GRID2: variants seen among roughly 807,000 people sequenced by gnomAD.
GRID2 encodes glutamate receptor ionotropic, delta-2.
A neutral mutation model predicts 114.8 loss-of-function variants in GRID2; 33 were observed. The observed-to-expected ratio is 0.29, with a 90% confidence interval of 0.22 to 0.38. GRID2 has a LOEUF of 0.38. GRID2 is among the 10% of genes least tolerant of loss of function. The probability of loss-of-function intolerance (pLI) is 1.00; values close to 1 mark genes in which losing one functional copy is unlikely to be tolerated. For synonymous variants in GRID2, 505 were observed against 449.9 expected, an observed-to-expected ratio of 1.12 and a Z score of -1.55; for missense variants, 1,184 against 1,257.7, an observed-to-expected ratio of 0.94 and a Z score of 0.89.
intron 2 of GRID2, among the ~76,000 whole-genome samples, chr4:92,866,535 G>T (rs940035581): frequency 1.3e-4 from 20 of 151,550 alleles, no homozygotes; most frequent in African/African-American, 2.9e-4. Context: ...AGAAATCATT[G>T]ATGTTATCCT....
chr4:92,609,056 A>G (rs1376119776), intron 2 of GRID2, among the ~76,000 whole-genome samples: 1 of 151,792 alleles, frequency 6.6e-6, no homozygotes, highest in East Asian at 1.9e-4. Context: ...TAAGTTATAA[A>G]GTTTTCATTA....
chr4:92,648,192 T>A (rs1731742269), intron 2 of GRID2, among the ~76,000 whole-genome samples: 1 of 149,898 alleles, frequency 6.7e-6, no homozygotes. Flanking sequence ...AATGTCTAAT[T>A]CAGTCCCTTT....
chr4:93,685,253 A>G (rs1725971320), intron 14 of GRID2, among the ~76,000 whole-genome samples: 2 of 152,064 alleles, frequency 1.3e-5, no homozygotes, highest in African/African-American at 2.4e-5. Flanking sequence ...TTCTGAGGAC[A>G]ATCTCAAAAC....
chr4:93,072,856 C>A (rs1416065419), intron 2 of GRID2, among the ~76,000 whole-genome samples: 1 of 152,134 alleles, frequency 6.6e-6, no homozygotes, highest in Non-Finnish European at 1.5e-5. Context: ...TACACACACA[C>A]TTACAGACCT....
Position 92,440,206 on chromosome 4 carries a change from G to T in GRID2, c.88+135462G>T, listed in dbSNP as rs866177870. On this transcript the variant is annotated intron_variant, in intron 1 of 15. Coordinates refer to ENST00000282020, the MANE Select transcript of GRID2 (RefSeq NM_001510.4). The stretch of plus-strand genomic sequence containing the variant: ...ACCTTTAGTCCGTTCTACTTTTCTT[G>T]AAGACGGAGGACCTTAAGGGATATA... Among the ~76,000 whole-genome samples, 34 of 146,164 alleles carry T rather than the reference G, an allele frequency of 2.3e-4. 1 individual carries two copies. The highest frequency in any genetic ancestry group is 7.8e-4 in the African/African-American group (32 of 40,984).
In GRID2 at chr4:93,462,906, G is replaced by A. The variant is rs149754203; in HGVS notation, c.1858+6932G>A. 3.6e-3 allele frequency among the ~76,000 whole-genome samples: 549 copies of A among 152,218 alleles called. 3 individuals carry two copies. Among genetic ancestry groups the A allele is most frequent in the Non-Finnish European group, 6.0e-3 (411 of 67,998 alleles). On this transcript the variant is annotated intron_variant, in intron 11 of 15. Transcript: ENST00000282020. ...AGCTCTGTTGTTTACTGACCCTAGTGAACAGAGGAAAAATGAGAGTAATTC... is the reference window on the plus strand; with the variant it reads ...AGCTCTGTTGTTTACTGACCCTAGTAAACAGAGGAAAAATGAGAGTAATTC...
chr4:92,526,106 A>T (rs1725029856), intron 1 of GRID2, among the ~76,000 whole-genome samples: 1 of 152,000 alleles, frequency 6.6e-6, no homozygotes, highest in African/African-American at 2.4e-5. Flanking sequence ...TAGATGGGTC[A>T]TCTCTAAAAA....
At chr4:93,707,760 G>A (rs961585095) in intron 14 of GRID2, among the ~76,000 whole-genome samples, 3 of 150,932 alleles carry the variant, frequency 2.0e-5, no homozygotes, top group African/African-American at 7.3e-5. Flanking sequence ...TTCTTTTCTA[G>A]TTCTTTAAGG....
chr4:93,705,842 G>T (rs1270592476), intron 14 of GRID2, among the ~76,000 whole-genome samples: 1 of 152,018 alleles, frequency 6.6e-6, no homozygotes, highest in Non-Finnish European at 1.5e-5. Flanking sequence ...AATCTATTTT[G>T]ATTCGAATTT....
intron 8 of GRID2, among the ~76,000 whole-genome samples, chr4:93,283,671 G>A (rs73837757): frequency 1.6e-3 from 239 of 152,156 alleles, no homozygotes; most frequent in African/African-American, 5.5e-3. Context: ...GTACACTGGT[G>A]CAATGAGAAG....
chr4:92,770,900 G>A (rs181706659), intron 2 of GRID2, among the ~76,000 whole-genome samples: 25 of 152,046 alleles, frequency 1.6e-4, no homozygotes, highest in African/African-American at 4.3e-4. Flanking sequence ...ACATACAATC[G>A]CCATTTTTTT....
At chr4:93,002,430 C>T (rs540765961) in intron 2 of GRID2, among the ~76,000 whole-genome samples, 3 of 150,828 alleles carry the variant, frequency 2.0e-5, no homozygotes, top group African/African-American at 4.9e-5. Context: ...GTTGATGGGC[C>T]GATGACTTCA....
intron 2 of GRID2, among the ~76,000 whole-genome samples, chr4:92,601,920 G>A (rs535827547): frequency 1.3e-5 from 2 of 151,758 alleles, no homozygotes; most frequent in African/African-American, 2.4e-5. Flanking sequence ...AGAAGAAATG[G>A]ATAAATTCCT....
intron 2 of GRID2, among the ~76,000 whole-genome samples, chr4:92,797,181 A>T (rs1225950392): frequency 6.6e-6 from 1 of 152,084 alleles, no homozygotes; most frequent in African/African-American, 2.4e-5. Context: ...GGCACTTCAT[A>T]TGGGTCCCCT....
intron 13 of GRID2, among the ~76,000 whole-genome samples, chr4:93,574,220 A>G (rs1736200729): frequency 6.6e-6 from 1 of 152,132 alleles, no homozygotes; most frequent in Non-Finnish European, 1.5e-5. Context: ...GATCTCTTCC[A>G]GTATCATTTA....
chr4:92,986,775 A>G (rs1754532997), intron 2 of GRID2, among the ~76,000 whole-genome samples: 1 of 152,286 alleles, frequency 6.6e-6, no homozygotes, highest in South Asian at 2.1e-4. Context: ...GTATAACAAT[A>G]AAATAATTTA....
chr4:92,928,933 T>A (rs1383480484), intron 2 of GRID2, among the ~76,000 whole-genome samples: 1 of 151,460 alleles, frequency 6.6e-6, no homozygotes, highest in Non-Finnish European at 1.5e-5. Flanking sequence ...GTAAAAGCAA[T>A]GAGCTAAAGA....
chr4:92,462,592 A>G (rs1424509729), intron 1 of GRID2, among the ~76,000 whole-genome samples: 3 of 152,028 alleles, frequency 2.0e-5, no homozygotes, highest in African/African-American at 7.2e-5. Context: ...GATTAAGGAT[A>G]AAAAAATGGC....
rs185187375 is a variant in GRID2 at position 93,687,156 on chromosome 4, A to T, written c.2360+60721A>T. Among the ~76,000 whole-genome samples the T allele has an allele frequency of 3.7e-3, 562 of 152,140 alleles. 2 individuals carry two copies. The highest frequency in any genetic ancestry group is 5.2e-3 in the Non-Finnish European group (352 of 67,964). ...ATGGATTGGAAGTGGAATCTGAGAG[A>T]GAGAGGTTTATAAAATAAGACAAAA... On this transcript the variant is annotated intron_variant, in intron 14 of 15. Transcript: ENST00000282020.
Sources: allele counts gnomAD v4.1 joint callset (sites outside exome capture counted in the v4.1 genomes callset), GRCh38; gene constraint gnomAD v4.1.1; transcripts MANE v1.5; gene names NCBI Gene and HGNC (gene_info 2026-07-23, HGNC 2026-07-21).